EXOC6B: variants seen among roughly 807,000 people sequenced by gnomAD.
EXOC6B encodes SEC15 homolog B.
A neutral mutation model predicts 113.5 loss-of-function variants in EXOC6B; 54 were observed. The ratio of observed to expected loss-of-function variants is 0.48; its 90% CI spans 0.38 to 0.60. The LOEUF (loss-of-function observed/expected upper bound fraction) is 0.60, where lower values mean the gene tolerates loss of function less well. Ranked by LOEUF, EXOC6B falls within the 20% of genes least tolerant of loss-of-function variation. The pLI, the probability that EXOC6B is intolerant of heterozygous loss-of-function variation, is 0.00. For missense variants in EXOC6B, 797 were observed against 977.5 expected, an observed-to-expected ratio of 0.82 and a Z score of 2.46; for synonymous variants, 357 against 339.0, an observed-to-expected ratio of 1.05 and a Z score of -0.58.
intron 8 of EXOC6B, among the ~76,000 whole-genome samples, chr2:72,518,757 G>A (rs1312823772): frequency 2.0e-5 from 3 of 152,042 alleles, no homozygotes; most frequent in East Asian, 3.9e-4. Flanking sequence ...AGGCAGGAAA[G>A]CTTCATAAAT....
intron 5 of EXOC6B, among the ~76,000 whole-genome samples, chr2:72,728,390 G>T (rs1005782368): frequency 6.6e-6 from 1 of 152,080 alleles, no homozygotes; most frequent in African/African-American, 2.4e-5. Context: ...AAGAAATTTT[G>T]AATGTGAGTC....
At chr2:72,470,973 T>C (rs1698370604) in intron 17 of EXOC6B, among the ~76,000 whole-genome samples, 1 of 152,212 alleles carries the variant, frequency 6.6e-6, no homozygotes, top group Non-Finnish European at 1.5e-5. Flanking sequence ...ATCCTTTGGG[T>C]ATATACCCAG....
intron 20 of EXOC6B, among the ~76,000 whole-genome samples, chr2:72,282,642 A>C (rs1685197399): frequency 6.6e-6 from 1 of 152,118 alleles, no homozygotes; most frequent in Non-Finnish European, 1.5e-5. Context: ...TAGAACAAAG[A>C]AGCAAACACT....
At chr2:72,353,131 A>T (rs1339147044) in intron 19 of EXOC6B, among the ~76,000 whole-genome samples, 1 of 152,162 alleles carries the variant, frequency 6.6e-6, no homozygotes, top group East Asian at 1.9e-4. Flanking sequence ...GTGCTAAATA[A>T]GTAAAATAAT....
chr2:72,775,861 G>A (rs533679900), intron 1 of EXOC6B, among the ~76,000 whole-genome samples: 9 of 152,226 alleles, frequency 5.9e-5, no homozygotes, highest in African/African-American at 1.9e-4. Context: ...ACCTACATGA[G>A]ATAAAATTGT....
At chr2:72,250,270 A>C (rs570372770) in intron 20 of EXOC6B, among the ~76,000 whole-genome samples, 156 of 152,342 alleles carry the variant, frequency 1.0e-3, no homozygotes, top group South Asian at 1.4e-3. Context: ...CCTCTATTAC[A>C]TCAGACCAAA....
At chr2:72,583,529 C>T (rs1024783267) in intron 6 of EXOC6B, among the ~76,000 whole-genome samples, 1 of 152,126 alleles carries the variant, frequency 6.6e-6, no homozygotes, top group Non-Finnish European at 1.5e-5. Flanking sequence ...TTTCACAAGA[C>T]AGGAGAGATT....
intron 8 of EXOC6B, among the ~76,000 whole-genome samples, chr2:72,532,064 A>G (rs1415607764): frequency 1.3e-5 from 2 of 152,332 alleles, no homozygotes; most frequent in East Asian, 1.9e-4. Context: ...AAACAGCCCA[A>G]TGTTCTTCAA....
intron 20 of EXOC6B, among the ~76,000 whole-genome samples, chr2:72,266,377 T>C (rs1252044725): frequency 6.7e-6 from 1 of 149,562 alleles, no homozygotes; most frequent in African/African-American, 2.4e-5. Context: ...CTAGGGTTTT[T>C]ATGGTTTTAG....
intron 6 of EXOC6B, among the ~76,000 whole-genome samples, chr2:72,629,934 C>T (rs1558860515): frequency 6.6e-6 from 1 of 152,176 alleles, no homozygotes; most frequent in African/African-American, 2.4e-5. Flanking sequence ...CCTTTGATCA[C>T]TCAAACCTGG....
chr2:72,666,263 A>C (rs1205418713), intron 6 of EXOC6B, among the ~76,000 whole-genome samples: 1 of 152,200 alleles, frequency 6.6e-6, no homozygotes, highest in East Asian at 1.9e-4. Context: ...CTGACAAAGA[A>C]ACTCTGGACT....
At chr2:72,701,730 G>A (rs374232857) in intron 6 of EXOC6B, among the ~76,000 whole-genome samples, 1 of 152,224 alleles carries the variant, frequency 6.6e-6, no homozygotes, top group African/African-American at 2.4e-5. Flanking sequence ...CTAGTATTCT[G>A]CAAGTGAGTC....
At chr2:72,214,591 A>G (rs7565922) in intron 20 of EXOC6B, among the ~76,000 whole-genome samples, 62,754 of 151,802 alleles carry the variant, frequency 0.41, 16,267 homozygotes, top group African/African-American at 0.74. Flanking sequence ...AATCTACCAC[A>G]TTTCTGTGGA....
intron 1 of EXOC6B, among the ~76,000 whole-genome samples, chr2:72,780,913 T>C (rs528438383): frequency 3.0e-4 from 45 of 152,326 alleles, no homozygotes; most frequent in African/African-American, 1.0e-3. Flanking sequence ...GTTTTTGTAA[T>C]TGTTACACTA....
intron 8 of EXOC6B, among the ~76,000 whole-genome samples, chr2:72,529,635 T>C (rs946928051): frequency 6.6e-6 from 1 of 152,172 alleles, no homozygotes; most frequent in Non-Finnish European, 1.5e-5. Context: ...ATTGTTTGTT[T>C]GTTTGTTTTT....
chr2:72,626,763 G>T (rs557947028), intron 6 of EXOC6B, among the ~76,000 whole-genome samples: 2 of 152,220 alleles, frequency 1.3e-5, no homozygotes, highest in Non-Finnish European at 2.9e-5. Flanking sequence ...AAGGAAGAGC[G>T]TTTTCCCTCC....
chr2:72,622,843 G>C (rs1671827353), intron 6 of EXOC6B, among the ~76,000 whole-genome samples: 1 of 152,110 alleles, frequency 6.6e-6, no homozygotes, highest in South Asian at 2.1e-4. Context: ...AAAATACCAA[G>C]TGTAGTTAGA....
intron 1 of EXOC6B, among the ~76,000 whole-genome samples, chr2:72,762,884 G>T (rs1682826237): frequency 6.6e-6 from 1 of 151,906 alleles, no homozygotes; most frequent in Non-Finnish European, 1.5e-5. Flanking sequence ...TATAATTAAT[G>T]ATAACTCAAA....
chr2:72,282,213 T>C (rs1476378128), intron 20 of EXOC6B, among the ~76,000 whole-genome samples: 1 of 152,052 alleles, frequency 6.6e-6, no homozygotes, highest in East Asian at 1.9e-4. Flanking sequence ...ATAAATATTG[T>C]CCATACTAAA....
Sources: gnomAD v4.1 joint callset for allele counts (sites outside exome capture counted in the v4.1 genomes callset) on GRCh38, gnomAD v4.1.1 for gene constraint, MANE v1.5 for transcripts, NCBI Gene and HGNC (gene_info 2026-07-23, HGNC 2026-07-21) for gene names.